PDE6D: variants seen among roughly 807,000 people sequenced by gnomAD.
PDE6D encodes the protein retinal rod rhodopsin-sensitive cGMP 3',5'-cyclic phosphodiesterase subunit delta.
PDE6D carries 10 observed loss-of-function variants against 21.9 expected under a neutral mutation model. The observed-to-expected ratio is 0.46, with a 90% CI of 0.28 to 0.78. PDE6D has a LOEUF of 0.78. Ranked by LOEUF, PDE6D falls within the 30% of genes least tolerant of loss-of-function variation. The probability of loss-of-function intolerance (pLI) is 0.12; values close to 1 mark genes in which losing one functional copy is unlikely to be tolerated. For synonymous variants in PDE6D, 59 were observed against 63.5 expected (o/e 0.93, Z 0.34); for missense variants, 139 against 184.8 (o/e 0.75, Z 1.44).
intron 1 of PDE6D, among the ~76,000 whole-genome samples, chr2:231,775,512 G>A (rs1359121897): frequency 2.1e-5 from 3 of 145,274 alleles, no homozygotes; most frequent in Non-Finnish European, 4.5e-5. Context: ...TTGTAGAGGC[G>A]GGGTCTTGCC....
intron 1 of PDE6D, among the ~76,000 whole-genome samples, chr2:231,749,987 C>T (rs1158405700): frequency 6.6e-6 from 1 of 152,056 alleles, no homozygotes; most frequent in Non-Finnish European, 1.5e-5. Flanking sequence ...TATGTCCCCA[C>T]CAAAATCTCA....
At chr2:231,734,674 T>C (rs1193049026) in intron 4 of PDE6D, among the ~76,000 whole-genome samples, 1 of 144,960 alleles carries the variant, frequency 6.9e-6, no homozygotes, top group South Asian at 2.2e-4. Context: ...ACCCCGTCTG[T>C]ACTAAAAATA....
chr2:231,744,428 G>A lies in PDE6D; in HGVS notation c.51-5240C>T, dbSNP rs199790662. Among the ~76,000 whole-genome samples, 4 of 148,908 alleles carry A rather than the reference G, an allele frequency of 2.7e-5. No homozygotes were observed. In the East Asian group the frequency reaches 7.8e-4, roughly 29 times the overall value. On this transcript the variant is annotated intron_variant, in intron 1 of 4. Transcript: ENST00000287600. ...AAATAACCAGGTTAAGGACTTAATTGCTTTTCTTTTTTTTTTTTTTTTGGA... is the reference window on the plus strand; with the variant it reads ...AAATAACCAGGTTAAGGACTTAATTACTTTTCTTTTTTTTTTTTTTTTGGA...
chr2:231,734,413 C>T (rs1574614389), intron 4 of PDE6D, among the ~76,000 whole-genome samples: 3 of 149,490 alleles, frequency 2.0e-5, no homozygotes, highest in African/African-American at 5.0e-5. Flanking sequence ...CAAAAAATCA[C>T]GCCTCGTGAA....
At chr2:231,777,251 C>G (rs2049064581) in intron 1 of PDE6D, among the ~76,000 whole-genome samples, 1 of 152,190 alleles carries the variant, frequency 6.6e-6, no homozygotes, top group African/African-American at 2.4e-5. Context: ...TTTGAAACAA[C>G]TGATGGCAAA....
At chr2:231,738,475 C>T (rs1284305835) in intron 2 of PDE6D, among the ~76,000 whole-genome samples, 1 of 152,140 alleles carries the variant, frequency 6.6e-6, no homozygotes. Context: ...TGATTTTAAC[C>T]CCTTCCTTCT....
At chr2:231,767,884 A>C (rs1574633088) in intron 1 of PDE6D, among the ~76,000 whole-genome samples, 1 of 145,708 alleles carries the variant, frequency 6.9e-6, no homozygotes, top group Non-Finnish European at 1.5e-5. Context: ...TGTGGCCCAG[A>C]GTGGAGTGCA....
At chr2:231,734,862 A>AAC (rs1553555555) in intron 4 of PDE6D, among the ~76,000 whole-genome samples, 6 of 149,886 alleles carry the variant, frequency 4.0e-5, no homozygotes, top group Non-Finnish European at 8.9e-5. Context: ...AAAAAACAAA[A>AAC]AAAAAAACCC....
chr2:231,737,102 C>T, intron 4 of PDE6D, 85 bp downstream of exon 4: 1 of 718,696 alleles, frequency 1.4e-6, no homozygotes, highest in South Asian at 1.7e-5. Context: ...AGCTCTCTGC[C>T]CACTGAATGG....
intron 1 of PDE6D, among the ~76,000 whole-genome samples, chr2:231,751,927 G>C (rs2048843143): frequency 6.6e-6 from 1 of 152,078 alleles, no homozygotes; most frequent in Admixed American, 6.6e-5. Flanking sequence ...ACAACTTAAG[G>C]GGTGGTGAAT....
At chr2:231,737,117 A>G in intron 4 of PDE6D, 70 bp downstream of exon 4, 1 of 832,484 alleles carries the variant, frequency 1.2e-6, no homozygotes. Flanking sequence ...GAATGGCACC[A>G]GGAGTCCCAC....
At chr2:231,762,680 G>A (rs2048940571) in intron 1 of PDE6D, among the ~76,000 whole-genome samples, 1 of 152,000 alleles carries the variant, frequency 6.6e-6, no homozygotes, top group Admixed American at 6.6e-5. Context: ...GACTTGTAGT[G>A]CTGTAAGCAA....
chr2:231,761,337 G>A (rs773179974), intron 1 of PDE6D, among the ~76,000 whole-genome samples: 2 of 152,022 alleles, frequency 1.3e-5, no homozygotes, highest in Admixed American at 1.3e-4. Context: ...CACCACGCCC[G>A]GCTAATTTTT....
At chr2:231,757,180 G>C (rs1245961659) in intron 1 of PDE6D, among the ~76,000 whole-genome samples, 1 of 151,912 alleles carries the variant, frequency 6.6e-6, no homozygotes, top group Non-Finnish European at 1.5e-5. Flanking sequence ...GGCTGGTTTC[G>C]AACTCCTGGG....
At chr2:231,752,687 C>T (rs1162904566) in intron 1 of PDE6D, among the ~76,000 whole-genome samples, 4 of 151,916 alleles carry the variant, frequency 2.6e-5, no homozygotes, top group African/African-American at 9.7e-5. Flanking sequence ...ATCTTTTGTG[C>T]TGCTCATATA....
intron 1 of PDE6D, among the ~76,000 whole-genome samples, chr2:231,755,452 G>C (rs1171441226): frequency 3.9e-5 from 6 of 152,194 alleles, no homozygotes; most frequent in Non-Finnish European, 8.8e-5. Flanking sequence ...TTATGAAAGT[G>C]ATTCACGCCG....
intron 1 of PDE6D, 105 bp downstream of exon 1, chr2:231,780,957 CCTT>C: frequency 3.0e-6 from 3 of 1,006,014 alleles, no homozygotes; most frequent in Non-Finnish European, 4.6e-6. Flanking sequence ...CTCCCGCGGC[CCTT>C]CTTCTGTGGG....
At chr2:231,763,638 C>CT (rs756344566) in intron 1 of PDE6D, among the ~76,000 whole-genome samples, 294 of 135,422 alleles carry the variant, frequency 2.2e-3, no homozygotes, top group Middle Eastern at 0.011. Context: ...CTTTTTTTTT[C>CT]TTTTTTTTTT....
In PDE6D at chr2:231,733,036, G is replaced by C; in HGVS notation, c.372-3C>G. The C allele has an allele frequency of 6.3e-7, 1 of 1,589,356 alleles. No homozygotes were observed. The highest frequency in any genetic ancestry group is 8.6e-7 in the Non-Finnish European group (1 of 1,157,584). On this transcript the variant is annotated splice_polypyrimidine_tract_variant and splice_region_variant and intron_variant, in intron 4 of 4. Transcript: ENST00000287600. ...TTGTTTCTATGATAACGTTCCCACTGTAAGTAAGAAGAGAAACAGAGGGCA... is the reference window on the plus strand; with the variant it reads ...TTGTTTCTATGATAACGTTCCCACTCTAAGTAAGAAGAGAAACAGAGGGCA...
Sources: allele counts gnomAD v4.1 joint callset (sites outside exome capture counted in the v4.1 genomes callset), GRCh38; gene constraint gnomAD v4.1.1; transcripts MANE v1.5; gene names NCBI Gene and HGNC (gene_info 2026-07-23, HGNC 2026-07-21).